The following GOPC variants were observed in gnomAD, a reference collection of about 807,000 sequenced individuals.
GOPC encodes Golgi-associated PDZ and coiled-coil motif-containing protein.
GOPC carries 32 observed loss-of-function variants against 51.2 expected under a neutral mutation model. The ratio of observed to expected loss-of-function variants is 0.63; its 90% CI spans 0.47 to 0.84. The LOEUF (loss-of-function observed/expected upper bound fraction) is 0.84. Ranked by LOEUF, GOPC falls within the 40% of genes least tolerant of loss-of-function variation. The probability of loss-of-function intolerance (pLI) is 0.00; values close to 1 mark genes in which losing one functional copy is unlikely to be tolerated. For missense variants in GOPC, 441 were observed against 555.5 expected, an observed-to-expected ratio of 0.79 and a Z score of 2.07; for synonymous variants, 190 against 205.1, an observed-to-expected ratio of 0.93 and a Z score of 0.63.
At chr6:117,569,958 T>C in intron 6 of GOPC, 1 of 407,364 alleles carries the variant, frequency 2.5e-6, no homozygotes, top group Non-Finnish European at 4.2e-6. Flanking sequence ...AACTTATGTG[T>C]TAGTACTCCA....
chr6:117,577,210 T>A (rs573337949), intron 3 of GOPC, among the ~76,000 whole-genome samples: 1 of 152,164 alleles, frequency 6.6e-6, no homozygotes, highest in South Asian at 2.1e-4. Context: ...TTGTCAAAAA[T>A]TGACAGGCTC....
chr6:117,588,673 T>A (rs1231092824), intron 1 of GOPC, among the ~76,000 whole-genome samples: 2 of 152,054 alleles, frequency 1.3e-5, no homozygotes, highest in East Asian at 3.8e-4. Context: ...TTTAAAATCA[T>A]TTATATTAAC....
chr6:117,568,565 C>T (rs920154744), intron 7 of GOPC, among the ~76,000 whole-genome samples: 6 of 152,112 alleles, frequency 3.9e-5, no homozygotes, highest in Non-Finnish European at 4.4e-5. Context: ...AAGAGAATAG[C>T]GTAGCATTCT....
chr6:117,579,136 A>T, intron 1 of GOPC, 72 bp from the exon 2 acceptor site: 1 of 1,229,220 alleles, frequency 8.1e-7, no homozygotes, highest in Non-Finnish European at 1.1e-6. Flanking sequence ...TTGTTATTCA[A>T]GAATGACAAC....
intron 8 of GOPC, among the ~76,000 whole-genome samples, chr6:117,563,832 T>C (rs148077992): frequency 7.5e-4 from 114 of 152,256 alleles, no homozygotes; most frequent in Non-Finnish European, 1.3e-3. Flanking sequence ...AAATAATGCC[T>C]TATATTAATC....
intron 1 of GOPC, among the ~76,000 whole-genome samples, chr6:117,596,591 G>A (rs1780201367): frequency 1.3e-5 from 2 of 152,144 alleles, no homozygotes; most frequent in South Asian, 4.1e-4. Context: ...GGAGGATCCA[G>A]TTTCATTTTT....
chr6:117,571,690 A>G (rs578157026), intron 5 of GOPC, among the ~76,000 whole-genome samples: 1 of 152,240 alleles, frequency 6.6e-6, no homozygotes, highest in Admixed American at 6.5e-5. Context: ...CTGTAATTAG[A>G]GTTTTGCCCC....
chr6:117,601,897 C>T, intron 1 of GOPC, 107 bp downstream of exon 1: 1 of 1,255,898 alleles, frequency 8.0e-7, no homozygotes, highest in Non-Finnish European at 1.1e-6. Context: ...CATTTGAAGC[C>T]CCGGTGGGCA....
intron 4 of GOPC, 149 bp from the exon 5 acceptor site, chr6:117,573,781 TA>T (rs889371726): frequency 1.9e-4 from 108 of 559,642 alleles, no homozygotes; most frequent in South Asian, 4.9e-4. Context: ...CTCTCAGATA[TA>T]AAAAAAATAT....
In GOPC at chr6:117,562,825, T is replaced by G. The variant is rs1358758772; in HGVS notation, c.*429A>C. On this transcript the variant is annotated 3_prime_UTR_variant, in exon 9 of 9. Transcript: ENST00000368498. ...ATTCATTGAGTCAAGCTCTGTCTTCTGAAATACCACAGTTAACATTCTAGA... is the reference window on the plus strand; with the variant it reads ...ATTCATTGAGTCAAGCTCTGTCTTCGGAAATACCACAGTTAACATTCTAGA... 1 of 212,778 alleles carries G rather than the reference T, an allele frequency of 4.7e-6. No homozygotes were observed. The highest frequency in any genetic ancestry group is 7.1e-5 in the East Asian group (1 of 14,090). The allele number at this position is 212,778 out of a possible 1,614,324, so 13.2% of individuals were successfully genotyped here. A position where few individuals can be genotyped will look rare whatever the true frequency, so the allele number is the denominator to read the frequency against.
chr6:117,561,561 G>A lies in GOPC; in HGVS notation c.*1693C>T, dbSNP rs1420750156. On this transcript the variant is annotated 3_prime_UTR_variant, in exon 9 of 9. Transcript: ENST00000368498. Reference sequence around the variant, plus strand: ...ATGGAAGGTATGTGTTTGGCATAGGGGATTCATAAAGAAAAAACAAGTTGT... The same window carrying A: ...ATGGAAGGTATGTGTTTGGCATAGGAGATTCATAAAGAAAAAACAAGTTGT... 9.4e-6 allele frequency: 2 copies of A among 211,644 alleles called. No individual in the cohort carries two copies. The highest frequency in any genetic ancestry group is 5.9e-5 in the Admixed American group (1 of 17,014). The allele number at this position is 211,644 out of a possible 1,614,324, so 13.1% of individuals were successfully genotyped here. A position where few individuals can be genotyped will look rare whatever the true frequency, so the allele number is the denominator to read the frequency against.
intron 1 of GOPC, among the ~76,000 whole-genome samples, chr6:117,598,786 G>A (rs1047683101): frequency 2.0e-5 from 3 of 152,156 alleles, no homozygotes; most frequent in Non-Finnish European, 2.9e-5. Flanking sequence ...TCCACAGCCC[G>A]GGGTAACAAA....
chr6:117,586,493 T>G (rs1479309673), intron 1 of GOPC, among the ~76,000 whole-genome samples: 1 of 129,550 alleles, frequency 7.7e-6, no homozygotes, highest in African/African-American at 3.1e-5. Flanking sequence ...TTTTTTTTTT[T>G]TTTTTGAGAT....
At position 117,566,929 on chromosome 6, in the gene GOPC, G is replaced by A. The variant is rs763299787; in HGVS notation, c.1183C>T (p.Leu395Phe). Reference sequence around the variant, plus strand: ...TTACCACCTCCTTCTAACTCATCAAGGTACAAACGGTAACGATGTCCACTC... The same window carrying A: ...TTACCACCTCCTTCTAACTCATCAAAGTACAAACGGTAACGATGTCCACTC... ...DESGHRYRLY[L>F]DELEGGGNPG... is the part of the protein sequence containing the mutation. Residue 395 changes from leucine (L) to phenylalanine (F), a missense_variant, in exon 8 of 9, where the codon CTT (leucine) becomes TTT (phenylalanine). By Grantham distance (22) the Leu-to-Phe change is conservative. This residue lies in a region of GOPC where 166 missense variants were observed against 267.0 expected (regional missense o/e 0.62). Coordinates refer to ENST00000368498, the MANE Select transcript of GOPC (RefSeq NM_020399.4). The A allele has an allele frequency of 5.6e-6, 9 of 1,611,410 alleles. No individual in the cohort carries two copies. The South Asian group carries it at 8.8e-5, about 16-fold the overall frequency.
intron 1 of GOPC, among the ~76,000 whole-genome samples, chr6:117,587,953 G>C (rs1417897678): frequency 6.6e-6 from 1 of 151,902 alleles, no homozygotes; most frequent in Non-Finnish European, 1.5e-5. Context: ...AGCTCACTGG[G>C]GACTTGGAAC....
At chr6:117,570,112 T>G (rs1779777489) in intron 6 of GOPC, among the ~76,000 whole-genome samples, 1 of 152,018 alleles carries the variant, frequency 6.6e-6, no homozygotes, top group African/African-American at 2.4e-5. Flanking sequence ...AATGTAGAAT[T>G]GAAAAAATGC....
chr6:117,591,920 G>C (rs1327678164), intron 1 of GOPC, among the ~76,000 whole-genome samples: 1 of 152,188 alleles, frequency 6.6e-6, no homozygotes, highest in Non-Finnish European at 1.5e-5. Context: ...ATGATTAGGA[G>C]ACTATGTTAG....
At chr6:117,594,081 C>A (rs1170680275) in intron 1 of GOPC, among the ~76,000 whole-genome samples, 2 of 152,200 alleles carry the variant, frequency 1.3e-5, no homozygotes, top group Non-Finnish European at 2.9e-5. Flanking sequence ...TAAAAGACTT[C>A]CCACGATTAT....
At chr6:117,573,398 A>AT in intron 5 of GOPC, 69 bp downstream of exon 5, 1 of 1,512,108 alleles carries the variant, frequency 6.6e-7, no homozygotes, top group Non-Finnish European at 9.0e-7. Context: ...AAAGGAAAGA[A>AT]TGGAAAGCAA....
Sources: gnomAD v4.1 joint callset for allele counts (sites outside exome capture counted in the v4.1 genomes callset) on GRCh38, gnomAD v4.1.1 for gene constraint, gnomAD v4.1.1 regional missense constraint, MANE v1.5 for transcripts, NCBI Gene and HGNC (gene_info 2026-07-23, HGNC 2026-07-21) for gene names.